Variants in IGF1R observed in about 807,000 individuals in gnomAD.
IGF1R encodes the protein insulin-like growth factor 1 receptor.
A neutral mutation model predicts 144.6 loss-of-function variants in IGF1R; 44 were observed. The ratio of observed to expected loss-of-function variants is 0.30; its 90% CI spans 0.24 to 0.39. The LOEUF is 0.39. IGF1R is among the 10% of genes least tolerant of loss of function. IGF1R has a pLI of 1.00. For synonymous variants in IGF1R, 795 were observed against 722.8 expected, an observed-to-expected ratio of 1.10 and a Z score of -1.60; for missense variants, 1,355 against 1,833.7, an observed-to-expected ratio of 0.74 and a Z score of 4.77.
chr15:98,907,132 C>T (rs2014772172), intron 5 of IGF1R, among the ~76,000 whole-genome samples: 1 of 152,226 alleles, frequency 6.6e-6, no homozygotes, highest in Non-Finnish European at 1.5e-5. Context: ...GGCTGTGCAG[C>T]TCATTCATGG....
At chr15:98,803,790 G>A (rs2056413694) in intron 2 of IGF1R, among the ~76,000 whole-genome samples, 1 of 152,186 alleles carries the variant, frequency 6.6e-6, no homozygotes, top group South Asian at 2.1e-4. Flanking sequence ...ACAGGCATGA[G>A]CCACGGCGCC....
chr15:98,661,483 C>T (rs1475715524), intron 1 of IGF1R, among the ~76,000 whole-genome samples: 1 of 152,186 alleles, frequency 6.6e-6, no homozygotes, highest in African/African-American at 2.4e-5. Flanking sequence ...TCATTTGAAG[C>T]TGGAATGTTA....
chr15:98,889,227 G>A (rs2013789467), intron 2 of IGF1R, among the ~76,000 whole-genome samples: 1 of 152,200 alleles, frequency 6.6e-6, no homozygotes, highest in Non-Finnish European at 1.5e-5. Context: ...AAAAGAGAAA[G>A]TTGCAAAAGT....
In IGF1R at chr15:98,648,604, C is replaced by T. The variant is rs1596136067; in HGVS notation, c.-978C>T. Among the ~76,000 whole-genome samples, 2 of 144,374 alleles carry T rather than the reference C, an allele frequency of 1.4e-5. No individual in the cohort carries two copies. Among genetic ancestry groups the T allele is most frequent in the Admixed American group, 1.4e-4 (2 of 14,642 alleles). The allele number at this position is 144,374 out of a possible 152,430, so 94.7% of individuals were successfully genotyped here. On this transcript the variant is annotated 5_prime_UTR_variant, in exon 1 of 21. Coordinates refer to ENST00000650285, the MANE Select transcript of IGF1R (RefSeq NM_000875.5). ...CTCTTGTTTACCAGCATTAACTCCG[C>T]TGAGCGGAAAAAAAAAGGGAAAAAA...
intron 20 of IGF1R, among the ~76,000 whole-genome samples, chr15:98,950,248 A>G (rs1330429881): frequency 6.6e-6 from 1 of 152,202 alleles, no homozygotes; most frequent in Non-Finnish European, 1.5e-5. Flanking sequence ...TGGCGGGATA[A>G]TAGATAGATA....
chr15:98,877,815 A>G (rs1449233821), intron 2 of IGF1R, among the ~76,000 whole-genome samples: 1 of 152,168 alleles, frequency 6.6e-6, no homozygotes, highest in Non-Finnish European at 1.5e-5. Flanking sequence ...TTTCCTGGTA[A>G]ACAGTTCTGC....
chr15:98,750,296 G>A (rs2054977903), intron 2 of IGF1R, among the ~76,000 whole-genome samples: 1 of 152,118 alleles, frequency 6.6e-6, no homozygotes, highest in South Asian at 2.1e-4. Context: ...GTTTCCCTGT[G>A]CCCTGAGACT....
intron 9 of IGF1R, 95 bp downstream of exon 9, chr15:98,916,226 A>G: frequency 8.8e-7 from 1 of 1,135,480 alleles, no homozygotes; most frequent in Non-Finnish European, 1.3e-6. Flanking sequence ...ATCAGACAAC[A>G]GTGTAGTTCT....
At chr15:98,681,300 A>G (rs1390431445) in intron 1 of IGF1R, among the ~76,000 whole-genome samples, 1 of 152,150 alleles carries the variant, frequency 6.6e-6, no homozygotes, top group Non-Finnish European at 1.5e-5. Context: ...TACCTGGCGC[A>G]TGACATACAC....
chr15:98,851,511 C>T (rs1376878824), intron 2 of IGF1R, among the ~76,000 whole-genome samples: 2 of 152,200 alleles, frequency 1.3e-5, no homozygotes, highest in African/African-American at 2.4e-5. Flanking sequence ...CCTTCCCAGT[C>T]CTCCATCAGT....
At chr15:98,855,850 A>G (rs1223539128) in intron 2 of IGF1R, among the ~76,000 whole-genome samples, 1 of 152,190 alleles carries the variant, frequency 6.6e-6, no homozygotes, top group African/African-American at 2.4e-5. Flanking sequence ...TGGAGTTATT[A>G]GGTTGAAATT....
At chr15:98,742,455 C>T (rs546317684) in intron 2 of IGF1R, among the ~76,000 whole-genome samples, 3 of 152,184 alleles carry the variant, frequency 2.0e-5, no homozygotes, top group South Asian at 4.2e-4. Context: ...GCTGGGGCTG[C>T]TCCTGGAGCA....
chr15:98,956,920 G>A, intron 20 of IGF1R, 141 bp from the exon 21 acceptor site: 1 of 931,656 alleles, frequency 1.1e-6, no homozygotes, highest in Non-Finnish European at 1.7e-6. Context: ...AGAAAGCCAG[G>A]GATGGAGAGG....
chr15:98,958,519 GAAGAA>G lies in IGF1R; in HGVS notation c.*1081_*1085del. Reference sequence around the variant, plus strand: ...AATTCAAACACCACAACAGCAGTAAGAAGAAAAGCAGTCAATGGATTCAAGCATTC... The same window carrying G: ...AATTCAAACACCACAACAGCAGTAAGAAGCAGTCAATGGATTCAAGCATTC... On this transcript the variant is annotated 3_prime_UTR_variant, in exon 21 of 21. Coordinates refer to ENST00000650285, the MANE Select transcript of IGF1R (RefSeq NM_000875.5). The G allele has an allele frequency of 4.4e-6, 1 of 228,686 alleles. No homozygotes were observed. The highest frequency in any genetic ancestry group is 8.7e-6 in the Non-Finnish European group (1 of 114,994). The allele number at this position is 228,686 out of a possible 1,614,324, so 14.2% of individuals were successfully genotyped here.
intron 1 of IGF1R, among the ~76,000 whole-genome samples, chr15:98,673,558 TA>T (rs2052953300): frequency 6.6e-6 from 1 of 152,228 alleles, no homozygotes; most frequent in African/African-American, 2.4e-5. Flanking sequence ...TTAGTAGCCT[TA>T]CAGATCATTT....
intron 2 of IGF1R, among the ~76,000 whole-genome samples, chr15:98,868,096 A>G (rs1397531552): frequency 6.6e-6 from 1 of 152,006 alleles, no homozygotes; most frequent in Non-Finnish European, 1.5e-5. Flanking sequence ...AGCTACTCAG[A>G]GAAGTGTTTG....
chr15:98,780,125 T>C (rs1456330620), intron 2 of IGF1R, among the ~76,000 whole-genome samples: 1 of 151,086 alleles, frequency 6.6e-6, no homozygotes, highest in Non-Finnish European at 1.5e-5. Context: ...TAACAAACAT[T>C]CGCATTTATT....
rs1239272107 is a variant in IGF1R, at chr15:98,761,316, A to T, written c.640+53209A>T. On this transcript the variant is annotated intron_variant, in intron 2 of 20. Transcript: ENST00000650285. The stretch of plus-strand genomic sequence containing the variant: ...TCAAGCTTTTGCTGAGTCCTACATG[A>T]GTTGCAGGGGCAGAGAGGGAGGGAG... 2.0e-5 allele frequency among the ~76,000 whole-genome samples: 3 copies of T among 152,198 alleles called. No individual in the cohort carries two copies. The East Asian group carries it at 5.8e-4, about 29-fold the overall frequency.
intron 2 of IGF1R, among the ~76,000 whole-genome samples, chr15:98,771,392 C>T (rs12437561): frequency 0.18 from 27,298 of 152,120 alleles, 2,683 homozygotes; most frequent in South Asian, 0.31. Flanking sequence ...TCCTCACTGC[C>T]GTTTCATAGG....
Sources: gnomAD v4.1 joint callset for allele counts (sites outside exome capture counted in the v4.1 genomes callset) on GRCh38, gnomAD v4.1.1 for gene constraint, MANE v1.5 for transcripts, NCBI Gene and HGNC (gene_info 2026-07-23, HGNC 2026-07-21) for gene names.